NCOA7: variants seen among roughly 807,000 people sequenced by gnomAD.
The protein encoded by NCOA7 is 140 kDa estrogen receptor-associated protein.
Under a neutral mutation model 104.3 loss-of-function variants are expected in NCOA7, and 45 were observed. That is an observed-to-expected ratio of 0.43 (90% CI 0.34 to 0.55). The LOEUF is 0.55. NCOA7 is among the 20% of genes least tolerant of loss of function. The pLI, the probability that NCOA7 is intolerant of heterozygous loss-of-function variation, is 0.02. For missense variants in NCOA7, 1,041 were observed against 1,119.7 expected, an observed-to-expected ratio of 0.93 and a Z score of 1.00; for synonymous variants, 398 against 402.3, an observed-to-expected ratio of 0.99 and a Z score of 0.13.
At chr6:125,910,932 A>G (rs915517337) in intron 10 of NCOA7, among the ~76,000 whole-genome samples, 1 of 152,218 alleles carries the variant, frequency 6.6e-6, no homozygotes, top group Non-Finnish European at 1.5e-5. Context: ...TAAATGAAAA[A>G]GCAAGATAAA....
chr6:125,859,529 G>C (rs1781867765), intron 3 of NCOA7, among the ~76,000 whole-genome samples: 1 of 152,148 alleles, frequency 6.6e-6, no homozygotes, highest in Non-Finnish European at 1.5e-5. Flanking sequence ...ACAATATGTT[G>C]ATAGTTGTTT....
upstream of NCOA7, among the ~76,000 whole-genome samples, chr6:125,787,396 C>CCTTA (rs1774523804): frequency 6.6e-6 from 1 of 152,216 alleles, no homozygotes; most frequent in South Asian, 2.1e-4. Context: ...AGCCCGCCTA[C>CCTTA]CTTAGCCCTC....
intron 2 of NCOA7, among the ~76,000 whole-genome samples, chr6:125,835,095 G>A (rs758943037): frequency 6.6e-6 from 1 of 152,112 alleles, no homozygotes; most frequent in Admixed American, 6.5e-5. Context: ...CTTTTCTCAG[G>A]CTAAAAGAGG....
chr6:125,881,182 TG>T lies in NCOA7; in HGVS notation c.553del (p.Ala185GlnfsTer11). 1 of 1,612,450 alleles carries T rather than the reference TG, an allele frequency of 6.2e-7. No individual in the cohort carries two copies. Among genetic ancestry groups the T allele is most frequent in the Non-Finnish European group, 8.5e-7 (1 of 1,178,540 alleles). On this transcript the variant is annotated frameshift_variant, in exon 6 of 16. Transcript: ENST00000392477. LOFTEE classifies it high-confidence loss of function. ...GATVSPSSSD[A>X]EYDKLPDADL... is the part of the protein sequence containing the mutation. ...CTACTGTCTCTCCTTCATCATCAGA[TG>T]CAGAATATGATAAATTGCCTGTATG...
At chr6:125,826,982 G>A (rs1483509913) in intron 2 of NCOA7, among the ~76,000 whole-genome samples, 1 of 152,040 alleles carries the variant, frequency 6.6e-6, no homozygotes, top group Non-Finnish European at 1.5e-5. Flanking sequence ...CGGATCACCT[G>A]AGGTCAGGAG....
At chr6:125,882,802 A>G (rs1166939618) in intron 7 of NCOA7, among the ~76,000 whole-genome samples, 2 of 152,166 alleles carry the variant, frequency 1.3e-5, no homozygotes, top group African/African-American at 2.4e-5. Flanking sequence ...GTTTGGGCCT[A>G]TGAATTGTTA....
At chr6:125,824,767 T>C (rs981628077) in intron 2 of NCOA7, among the ~76,000 whole-genome samples, 5 of 152,112 alleles carry the variant, frequency 3.3e-5, no homozygotes, top group Non-Finnish European at 7.4e-5. Flanking sequence ...TTTTTAATTT[T>C]TTTCTCCCTG....
intron 1 of NCOA7, among the ~76,000 whole-genome samples, chr6:125,793,970 G>C (rs929946650): frequency 1.3e-5 from 2 of 152,052 alleles, no homozygotes; most frequent in Admixed American, 6.6e-5. Flanking sequence ...TGATGTTTAC[G>C]GGGGGTTGGC....
At chr6:125,833,521 T>C (rs1181564530) in intron 2 of NCOA7, among the ~76,000 whole-genome samples, 2 of 136,906 alleles carry the variant, frequency 1.5e-5, no homozygotes, top group African/African-American at 5.6e-5. Context: ...TGCAGTGAGC[T>C]GAGATCACAC....
At chr6:125,829,857 G>A (rs949975396) in intron 2 of NCOA7, among the ~76,000 whole-genome samples, 10 of 152,198 alleles carry the variant, frequency 6.6e-5, no homozygotes, top group African/African-American at 2.2e-4. Context: ...TCTTTTCTAA[G>A]TGTCAGGTTC....
intron 2 of NCOA7, among the ~76,000 whole-genome samples, chr6:125,828,064 T>C (rs1424726207): frequency 6.6e-6 from 1 of 152,214 alleles, no homozygotes; most frequent in Non-Finnish European, 1.5e-5. Flanking sequence ...GGTTCTGGAC[T>C]GAGATGGAAA....
chr6:125,906,354 G>C (rs1324173129), intron 10 of NCOA7, among the ~76,000 whole-genome samples: 1 of 152,126 alleles, frequency 6.6e-6, no homozygotes, highest in Non-Finnish European at 1.5e-5. Flanking sequence ...AAAAAATAGA[G>C]GCTAAATATG....
rs1788290258 is a variant in NCOA7 at position 125,928,976 on chromosome 6, A to G, written c.*205A>G. 2 of 487,806 alleles carry G rather than the reference A, an allele frequency of 4.1e-6. No individual in the cohort carries two copies. Among genetic ancestry groups the G allele is most frequent in the Non-Finnish European group, 6.9e-6 (2 of 290,778 alleles). 30.2% of individuals were successfully genotyped at this position (487,806 alleles called of 1,614,324 possible). ...CAGACATTGAAGAAAGAAACTTAAA[A>G]TCCAGGTTGTTGAAAAGACTTTGTA... On this transcript the variant is annotated 3_prime_UTR_variant, in exon 16 of 16. Transcript: ENST00000392477.
Position 125,878,281 on chromosome 6 carries a change from C to G in NCOA7, c.370C>G (p.Leu124Val). The G allele has an allele frequency of 6.2e-7, 1 of 1,611,186 alleles. No homozygotes were observed. Among genetic ancestry groups the G allele is most frequent in the Non-Finnish European group, 8.5e-7 (1 of 1,178,798 alleles). The change falls in exon 5 of 16, where the codon CTA (leucine) becomes GTA (valine). Residue 124 changes from leucine to valine, a missense_variant. Leu to Val is a conservative substitution (Grantham distance 32). Coordinates refer to ENST00000392477, the MANE Select transcript of NCOA7 (RefSeq NM_181782.5). ...MEYTAGNQDT[L>V]NSIALKFNIT... Reference sequence around the variant, plus strand: ...ATTCTAGGCTGGAAACCAGGACACCCTAAACTCCATAGCACTGAAATTTAA... The same window carrying G: ...ATTCTAGGCTGGAAACCAGGACACCGTAAACTCCATAGCACTGAAATTTAA...
chr6:125,858,513 T>C (rs773994650), intron 3 of NCOA7, among the ~76,000 whole-genome samples: 1 of 151,878 alleles, frequency 6.6e-6, no homozygotes, highest in Admixed American at 6.6e-5. Context: ...AGCACACACC[T>C]GTAGTCCCAG....
intron 1 of NCOA7, among the ~76,000 whole-genome samples, chr6:125,809,885 AGT>A (rs1417648423): frequency 3.9e-5 from 6 of 152,100 alleles, no homozygotes; most frequent in African/African-American, 1.4e-4. Context: ...AAGGAACTGC[AGT>A]GTGTTGGAGG....
intron 2 of NCOA7, among the ~76,000 whole-genome samples, chr6:125,831,522 G>A (rs1779184197): frequency 6.6e-6 from 1 of 150,558 alleles, no homozygotes; most frequent in African/African-American, 2.4e-5. Flanking sequence ...CTTTCTCAGT[G>A]ATTCTTTTGA....
chr6:125,854,074 A>G (rs1014490854), intron 2 of NCOA7, among the ~76,000 whole-genome samples: 13 of 152,222 alleles, frequency 8.5e-5, no homozygotes, highest in African/African-American at 3.1e-4. Flanking sequence ...ATAGAAATGT[A>G]TGAGAGAAAT....
chr6:125,845,471 A>G (rs918587699), intron 2 of NCOA7, among the ~76,000 whole-genome samples: 1 of 152,234 alleles, frequency 6.6e-6, no homozygotes, highest in Non-Finnish European at 1.5e-5. Context: ...ACCACATTAC[A>G]TACCTATAAA....
Sources: gnomAD v4.1 joint callset for allele counts (sites outside exome capture counted in the v4.1 genomes callset) on GRCh38, gnomAD v4.1.1 for gene constraint, MANE v1.5 for transcripts, NCBI Gene and HGNC (gene_info 2026-07-23, HGNC 2026-07-21) for gene names.